The following HSBP1 variants were observed in gnomAD, a reference collection of about 807,000 sequenced individuals.
The protein encoded by HSBP1 is heat shock factor binding protein 1, also known as heat shock factor-binding protein 1.
Under a neutral mutation model 9.6 loss-of-function variants are expected in HSBP1, and 5 were observed. The ratio of observed to expected loss-of-function variants is 0.52; its 90% CI spans 0.27 to 1.09. The LOEUF (loss-of-function observed/expected upper bound fraction) is 1.09, where lower values mean the gene tolerates loss of function less well. HSBP1 is among the 50% of genes least tolerant of loss of function. The pLI is 0.11. For synonymous variants in HSBP1, 42 were observed against 33.3 expected (o/e 1.26, Z -0.90); for missense variants, 121 against 96.3 (o/e 1.26, Z -1.07).
rs1412044214 is a variant in HSBP1, at chr16:83,814,039, C to T, written c.*2621C>T. On this transcript the variant is annotated 3_prime_UTR_variant, in exon 4 of 4. Transcript: ENST00000433866. The stretch of plus-strand genomic sequence containing the variant: ...TGTTGCTATGGGAACATAGAGTCCT[C>T]CAAACAAAAGTGAACTTTTTCAACA... 2 of 152,100 alleles carry T rather than the reference C, an allele frequency of 1.3e-5. No homozygotes were observed. Among genetic ancestry groups the T allele is most frequent in the African/African-American group, 2.4e-5 (1 of 41,408 alleles). The allele number at this position is 152,100 out of a possible 1,614,324, so 9.4% of individuals were successfully genotyped here.
At chr16:83,808,533 C>T in intron 1 of HSBP1, 147 bp from the exon 2 acceptor site, 1 of 622,196 alleles carries the variant, frequency 1.6e-6, no homozygotes, top group Non-Finnish European at 2.9e-6. Context: ...AACGGAAGCC[C>T]AGAGAAGGAA....
chr16:83,808,427 C>A (rs112756516), intron 1 of HSBP1: 1 of 572,378 alleles, frequency 1.7e-6, no homozygotes, highest in Non-Finnish European at 3.1e-6. Flanking sequence ...CTCACACACC[C>A]CCGGGTGCCC....
In HSBP1 at chr16:83,814,024, G is replaced by A. The variant is rs1904663112; in HGVS notation, c.*2606G>A. 7.7e-6 allele frequency: 1 copy of A among 129,200 alleles called. No individual in the cohort carries two copies. Among genetic ancestry groups the A allele is most frequent in the East Asian group, 2.0e-4 (1 of 5,042 alleles). The allele number at this position is 129,200 out of a possible 1,614,324, so 8.0% of individuals were successfully genotyped here. The stretch of plus-strand genomic sequence containing the variant: ...ACACACTTAGAGCACTGTTGCTATG[G>A]GAACATAGAGTCCTCCAAACAAAAG... On this transcript the variant is annotated 3_prime_UTR_variant, in exon 4 of 4. Transcript: ENST00000433866.
chr16:83,807,988 C>T lies in HSBP1; in HGVS notation c.-89C>T, dbSNP rs942821827. On this transcript the variant is annotated 5_prime_UTR_variant, in exon 1 of 4. Transcript: ENST00000433866. ...GTCCCGCGAGCTGCCAGTCTCGTCGCGAGAAGCAGCGGCCCGGGGCGACTG... is the reference window on the plus strand; with the variant it reads ...GTCCCGCGAGCTGCCAGTCTCGTCGTGAGAAGCAGCGGCCCGGGGCGACTG... The T allele has an allele frequency of 3.3e-6, 4 of 1,217,424 alleles. No homozygotes were observed. Among genetic ancestry groups the T allele is most frequent in the East Asian group, 6.0e-5 (2 of 33,508 alleles). 75.4% of individuals were successfully genotyped at this position (1,217,424 alleles called of 1,614,324 possible).
intron 3 of HSBP1, 46 bp downstream of exon 3, chr16:83,809,471 T>C (rs1474705855): frequency 1.2e-5 from 12 of 976,230 alleles, no homozygotes; most frequent in African/African-American, 3.5e-5. Flanking sequence ...TCTTTTTTTT[T>C]TTTTTTTTTT....
In HSBP1 at chr16:83,819,605, A is replaced by T. The variant is rs906587176; in HGVS notation, c.*8187A>T. 5 of 152,214 alleles carry T rather than the reference A, an allele frequency of 3.3e-5. No homozygotes were observed. The highest frequency in any genetic ancestry group is 1.2e-4 in the African/African-American group (5 of 41,440). The allele number at this position is 152,214 out of a possible 1,614,324, so 9.4% of individuals were successfully genotyped here. ...ATCATTTCAACTCTTAAGCCACAAA[A>T]GGATATCCAATCATTTAAAGCTTCC... On this transcript the variant is annotated 3_prime_UTR_variant, in exon 4 of 4. Transcript: ENST00000433866.
chr16:83,819,095 G>C lies in HSBP1; in HGVS notation c.*7677G>C, dbSNP rs1053516088. On this transcript the variant is annotated 3_prime_UTR_variant, in exon 4 of 4. Coordinates refer to ENST00000433866, the MANE Select transcript of HSBP1 (RefSeq NM_001537.4). The stretch of plus-strand genomic sequence containing the variant: ...CCAGGGCCTTCGGGCATCAACCTTG[G>C]GGCGAGGGTGTTGGGTTGCCCAACA... The C allele has an allele frequency of 2.6e-5, 4 of 151,856 alleles. No homozygotes were observed. The highest frequency in any genetic ancestry group is 5.9e-5 in the Non-Finnish European group (4 of 67,992). The allele number at this position is 151,856 out of a possible 1,614,324, so 9.4% of individuals were successfully genotyped here.
At chr16:83,811,284 C>T (rs908027303) in intron 3 of HSBP1, 137 bp from the exon 4 acceptor site, 1 of 152,148 alleles carries the variant, frequency 6.6e-6, no homozygotes, top group Non-Finnish European at 1.5e-5. Flanking sequence ...AAATCTATTG[C>T]TAAAATATTG....
At position 83,814,315 on chromosome 16, in the gene HSBP1, C is replaced by T. The variant is rs536743066; in HGVS notation, c.*2897C>T. The T allele has an allele frequency of 6.6e-6, 1 of 152,364 alleles. No individual in the cohort carries two copies. Among genetic ancestry groups the T allele is most frequent in the South Asian group, 2.1e-4 (1 of 4,824 alleles). The allele number at this position is 152,364 out of a possible 1,614,324, so 9.4% of individuals were successfully genotyped here. The stretch of plus-strand genomic sequence containing the variant: ...CTGTTTGGCTTAATCCTCACAACAA[C>T]ACTGAGAGGTTTTCATTTGATGAGT... On this transcript the variant is annotated 3_prime_UTR_variant, in exon 4 of 4. Transcript: ENST00000433866.
At position 83,815,407 on chromosome 16, in the gene HSBP1, G is replaced by T. The variant is rs915606608; in HGVS notation, c.*3989G>T. On this transcript the variant is annotated 3_prime_UTR_variant, in exon 4 of 4. Transcript: ENST00000433866. ...CACATCTGTGCTCCCAGCTACTCAG[G>T]AGGCTGAGGTGGGAGGATCATTTGA... The T allele has an allele frequency of 1.1e-4, 16 of 152,068 alleles. No individual in the cohort carries two copies. Among genetic ancestry groups the T allele is most frequent in the African/African-American group, 3.6e-4 (15 of 41,358 alleles). 9.4% of individuals were successfully genotyped at this position (152,068 alleles called of 1,614,324 possible). A position where few individuals can be genotyped will look rare whatever the true frequency, so the allele number is the denominator to read the frequency against.
At chr16:83,810,991 G>A (rs1033968796) in intron 3 of HSBP1, among the ~76,000 whole-genome samples, 1 of 152,224 alleles carries the variant, frequency 6.6e-6, no homozygotes, top group East Asian at 1.9e-4. Flanking sequence ...TATCTTCACA[G>A]TAGGTGGGGT....
At chr16:83,808,518 T>G in intron 1 of HSBP1, 162 bp from the exon 2 acceptor site, 1 of 608,272 alleles carries the variant, frequency 1.6e-6, no homozygotes, top group Non-Finnish European at 2.9e-6. Flanking sequence ...TTGGACAGGT[T>G]GGAAAACGGA....
rs544293152 is a variant in HSBP1 at position 83,812,326 on chromosome 16, A to C, written c.*908A>C. 2 of 152,466 alleles carry C rather than the reference A, an allele frequency of 1.3e-5. No homozygotes were observed. The highest frequency in any genetic ancestry group is 2.1e-4 in the South Asian group (1 of 4,830). The allele number at this position is 152,466 out of a possible 1,614,324, so 9.4% of individuals were successfully genotyped here. ...TGATCAACGACTTGTAGTAGACTCA[A>C]GTTTTTAAAAAACACTATTTTACTT... On this transcript the variant is annotated 3_prime_UTR_variant, in exon 4 of 4. Coordinates refer to ENST00000433866, the MANE Select transcript of HSBP1 (RefSeq NM_001537.4).
rs1233684620 is a variant in HSBP1 at position 83,814,736 on chromosome 16, CAGAGCTGGT to C, written c.*3322_*3330del. On this transcript the variant is annotated 3_prime_UTR_variant, in exon 4 of 4. Coordinates refer to ENST00000433866, the MANE Select transcript of HSBP1 (RefSeq NM_001537.4). ...GTTTTTATTTGGAATTTAAACTATT[CAGAGCTGGT>C]AGAAAATGTGTGCTCCTGGATCAGT... 5 of 152,224 alleles carry C rather than the reference CAGAGCTGGT, an allele frequency of 3.3e-5. No homozygotes were observed. Among genetic ancestry groups the C allele is most frequent in the African/African-American group, 1.2e-4 (5 of 41,446 alleles). 9.4% of individuals were successfully genotyped at this position (152,224 alleles called of 1,614,324 possible).
chr16:83,810,802 C>G (rs1904584890), intron 3 of HSBP1, among the ~76,000 whole-genome samples: 1 of 152,136 alleles, frequency 6.6e-6, no homozygotes, highest in African/African-American at 2.4e-5. Context: ...GAGCAAGACT[C>G]TGTCTCAAAA....
Position 83,812,641 on chromosome 16 carries a change from A to G in HSBP1, c.*1223A>G, listed in dbSNP as rs1425334159. The G allele has an allele frequency of 6.6e-6, 1 of 152,234 alleles. No individual in the cohort carries two copies. Among genetic ancestry groups the G allele is most frequent in the Non-Finnish European group, 1.5e-5 (1 of 68,042 alleles). 9.4% of individuals were successfully genotyped at this position (152,234 alleles called of 1,614,324 possible). On this transcript the variant is annotated 3_prime_UTR_variant, in exon 4 of 4. Transcript: ENST00000433866. ...GTAAGAAATAATTTGTGCTGTATAC[A>G]AATTACATGGGGAACATAAAGGAGT...
At chr16:83,809,516 T>C (rs1267976727) in intron 3 of HSBP1, 91 bp downstream of exon 3, 7 of 656,296 alleles carry the variant, frequency 1.1e-5, no homozygotes, top group Non-Finnish European at 1.8e-5. Context: ...TTGCCCAGGC[T>C]GGAGTGCAAT....
chr16:83,812,104 G>A lies in HSBP1; in HGVS notation c.*686G>A, dbSNP rs1453334085. The stretch of plus-strand genomic sequence containing the variant: ...TAACAGAATAGCCTTCTGTAATGAG[G>A]CGTTTGTTAGAGTTTTGCATGAGAT... On this transcript the variant is annotated 3_prime_UTR_variant, in exon 4 of 4. Transcript: ENST00000433866. 1 of 152,612 alleles carries A rather than the reference G, an allele frequency of 6.6e-6. No homozygotes were observed. Among genetic ancestry groups the A allele is most frequent in the Admixed American group, 6.5e-5 (1 of 15,276 alleles). The allele number at this position is 152,612 out of a possible 1,614,324, so 9.5% of individuals were successfully genotyped here. A position where few individuals can be genotyped will look rare whatever the true frequency, so the allele number is the denominator to read the frequency against.
chr16:83,809,073 G>A, intron 2 of HSBP1: 1 of 544,466 alleles, frequency 1.8e-6, no homozygotes, highest in Non-Finnish European at 3.2e-6. Context: ...TTTAGCAAAT[G>A]AATAAATTGA....
Sources: allele counts gnomAD v4.1 joint callset (sites outside exome capture counted in the v4.1 genomes callset), GRCh38; gene constraint gnomAD v4.1.1; transcripts MANE v1.5; gene names NCBI Gene and HGNC (gene_info 2026-07-23, HGNC 2026-07-21).